The following INTS9 variants were observed in gnomAD, a reference collection of about 807,000 sequenced individuals.
INTS9 encodes protein related to CPSF subunits of 74 kDa.
A neutral mutation model predicts 79.7 loss-of-function variants in INTS9; 55 were observed. That is an observed-to-expected ratio of 0.69 (90% CI 0.56 to 0.86). INTS9 has a LOEUF of 0.86. Among genes scored for constraint, INTS9 ranks in the 40% least tolerant of loss-of-function variants. The probability of loss-of-function intolerance (pLI) is 0.00; values close to 1 mark genes in which losing one functional copy is unlikely to be tolerated. For missense variants in INTS9, 721 were observed against 831.5 expected (o/e 0.87, Z 1.64); for synonymous variants, 319 against 325.2 (o/e 0.98, Z 0.20).
intron 14 of INTS9, among the ~76,000 whole-genome samples, chr8:28,773,356 A>G (rs1407417534): frequency 6.7e-6 from 1 of 149,810 alleles, no homozygotes; most frequent in Non-Finnish European, 1.5e-5. Context: ...CCCAGCTACT[A>G]GGGAGGCTGA....
rs1223057281 is a variant in INTS9 at position 28,796,655 on chromosome 8, G to A, written c.745C>T (p.Pro249Ser). ...GSSLLTTHPQ[P>S]MDQASLKNSD... Reference sequence around the variant, plus strand: ...TTTTTGAGAGAAGCTTGGTCCATGGGCTGAAAAAGAACACAGAAATATGGT... The same window carrying A: ...TTTTTGAGAGAAGCTTGGTCCATGGACTGAAAAAGAACACAGAAATATGGT... The change falls in exon 9 of 17, where the codon CCC (proline) becomes TCC (serine). Residue 249 changes from proline to serine, a missense_variant and splice_region_variant. This residue lies in a region of INTS9 where 291 missense variants were observed against 307.0 expected (regional missense o/e 0.95). Coordinates refer to ENST00000521022, the MANE Select transcript of INTS9 (RefSeq NM_018250.4). 15 of 1,597,642 alleles carry A rather than the reference G, an allele frequency of 9.4e-6. No homozygotes were observed. The highest frequency in any genetic ancestry group is 1.3e-5 in the Non-Finnish European group (15 of 1,165,112).
intron 6 of INTS9, among the ~76,000 whole-genome samples, chr8:28,822,105 T>C (rs1033289765): frequency 2.0e-5 from 3 of 152,000 alleles, no homozygotes; most frequent in Non-Finnish European, 2.9e-5. Flanking sequence ...ATCAGAAGAA[T>C]TGATGTCAAA....
At chr8:28,867,344 A>G (rs1257885081) in intron 1 of INTS9, among the ~76,000 whole-genome samples, 1 of 152,016 alleles carries the variant, frequency 6.6e-6, no homozygotes, top group Non-Finnish European at 1.5e-5. Context: ...GCTTGAACCC[A>G]GGAGGCGGAG....
In INTS9 at chr8:28,780,930, C is replaced by CTA. The variant is rs775598012; in HGVS notation, c.1161_1162dup (p.Arg388IlefsTer55). On this transcript the variant is annotated frameshift_variant, in exon 12 of 17. Transcript: ENST00000521022. LOFTEE classifies it high-confidence loss of function. The stretch of plus-strand genomic sequence containing the variant: ...CCCGGTGAACACCACACAGGGCTGT[C>CTA]TAAAGTCGTTGCTGAAGTCTCCGTG... 4 of 1,614,162 alleles carry CTA rather than the reference C, an allele frequency of 2.5e-6. No homozygotes were observed. In the Admixed American group the frequency reaches 6.7e-5, roughly 27 times the overall value.
At chr8:28,772,282 T>C (rs1802593857) in intron 14 of INTS9, among the ~76,000 whole-genome samples, 2 of 151,926 alleles carry the variant, frequency 1.3e-5, no homozygotes, top group South Asian at 4.1e-4. Context: ...TCCAGCACTT[T>C]GGGAGGCCAC....
intron 1 of INTS9, among the ~76,000 whole-genome samples, chr8:28,876,540 A>G (rs963577099): frequency 6.6e-6 from 1 of 152,224 alleles, no homozygotes; most frequent in African/African-American, 2.4e-5. Flanking sequence ...AAAAATTTCA[A>G]GCCAAAAGTC....
chr8:28,802,012 G>C (rs1234972399), intron 8 of INTS9, among the ~76,000 whole-genome samples: 1 of 152,192 alleles, frequency 6.6e-6, no homozygotes. Flanking sequence ...TGGGAATTGT[G>C]CCAGCTCTAG....
At chr8:28,831,314 C>A (rs141239681) in intron 6 of INTS9, among the ~76,000 whole-genome samples, 1 of 151,968 alleles carries the variant, frequency 6.6e-6, no homozygotes. Context: ...AGGGAGTGTG[C>A]GGGGGAAGGG....
chr8:28,847,967 T>C (rs1362768723), intron 3 of INTS9, among the ~76,000 whole-genome samples: 1 of 152,218 alleles, frequency 6.6e-6, no homozygotes, highest in Admixed American at 6.5e-5. Flanking sequence ...GAAAAAACTC[T>C]CAGGCAAAGC....
intron 2 of INTS9, among the ~76,000 whole-genome samples, chr8:28,852,849 A>T (rs892215665): frequency 6.6e-6 from 1 of 152,266 alleles, no homozygotes; most frequent in African/African-American, 2.4e-5. Flanking sequence ...CACTGCTAGT[A>T]GATGAGACTG....
chr8:28,799,800 C>G (rs544049088), intron 8 of INTS9, among the ~76,000 whole-genome samples: 1 of 152,132 alleles, frequency 6.6e-6, no homozygotes, highest in South Asian at 2.1e-4. Flanking sequence ...CTTTGCAAGC[C>G]GGGGACCCCT....
At chr8:28,819,009 C>A (rs1407034342) in intron 6 of INTS9, among the ~76,000 whole-genome samples, 1 of 152,070 alleles carries the variant, frequency 6.6e-6, no homozygotes, top group African/African-American at 2.4e-5. Flanking sequence ...TCCCCTTTAT[C>A]ATTTTTTATT....
chr8:28,778,593 G>A (rs1443244469), intron 12 of INTS9, among the ~76,000 whole-genome samples: 9 of 150,326 alleles, frequency 6.0e-5, no homozygotes, highest in African/African-American at 2.0e-4. Flanking sequence ...CCCTCAGACC[G>A]GGAAGAGTCC....
At chr8:28,771,967 G>A (rs992668233) in intron 14 of INTS9, among the ~76,000 whole-genome samples, 2 of 152,014 alleles carry the variant, frequency 1.3e-5, no homozygotes, top group African/African-American at 2.4e-5. Context: ...CTCAAGTGAT[G>A]TTCCCTCCTC....
At chr8:28,824,919 T>C (rs188340507) in intron 6 of INTS9, among the ~76,000 whole-genome samples, 34 of 152,364 alleles carry the variant, frequency 2.2e-4, no homozygotes, top group African/African-American at 7.0e-4. Flanking sequence ...TATAATATAA[T>C]GCATGTGAAA....
rs35799882 is a variant in INTS9 at position 28,884,168 on chromosome 8, C to CTTT, written c.9+5703_9+5705dup. 1.2e-3 allele frequency among the ~76,000 whole-genome samples: 55 copies of CTTT among 46,976 alleles called. 5 individuals carry two copies. The highest frequency in any genetic ancestry group is 1.8e-3 in the East Asian group (2 of 1,106). The allele number at this position is 46,976 out of a possible 152,430, so 30.8% of individuals were successfully genotyped here. On this transcript the variant is annotated intron_variant, in intron 1 of 16. Coordinates refer to ENST00000521022, the MANE Select transcript of INTS9 (RefSeq NM_018250.4). ...TACCAAAAGTCTGTCATCAGTGTAT[C>CTTT]TTTTTTTTTTTTTTTTTTTTTTTTT...
chr8:28,781,048 G>T, intron 11 of INTS9, 54 bp from the exon 12 acceptor site: 1 of 1,463,934 alleles, frequency 6.8e-7, no homozygotes, highest in East Asian at 2.4e-5. Flanking sequence ...GGCTGAAGGG[G>T]GAACCAAAGT....
chr8:28,778,609 C>G (rs1348857532), intron 12 of INTS9, among the ~76,000 whole-genome samples: 1 of 152,224 alleles, frequency 6.6e-6, no homozygotes, highest in Middle Eastern at 3.2e-3. Flanking sequence ...AGTCCTCGCC[C>G]TCTGCTCAGC....
chr8:28,861,929 G>T, intron 1 of INTS9: 1 of 218,626 alleles, frequency 4.6e-6, no homozygotes, highest in Non-Finnish European at 7.8e-6. Flanking sequence ...TAGATGAGAA[G>T]GTTGAGCTCT....
Sources: gnomAD v4.1 joint callset for allele counts (sites outside exome capture counted in the v4.1 genomes callset) on GRCh38, gnomAD v4.1.1 for gene constraint, gnomAD v4.1.1 regional missense constraint, MANE v1.5 for transcripts, NCBI Gene and HGNC (gene_info 2026-07-23, HGNC 2026-07-21) for gene names.